The following CDH13 variants were observed in gnomAD, a reference collection of about 807,000 sequenced individuals.
CDH13 encodes the protein cadherin-13.
Under a neutral mutation model 63.8 loss-of-function variants are expected in CDH13, and 24 were observed. That is an observed-to-expected ratio of 0.38 (90% CI 0.27 to 0.53). The LOEUF is 0.53. Ranked by LOEUF, CDH13 falls within the 20% of genes least tolerant of loss-of-function variation. CDH13 has a pLI of 0.85. For missense variants in CDH13, 1,049 were observed against 903.1 expected, an observed-to-expected ratio of 1.16 and a Z score of -2.07; for synonymous variants, 503 against 355.3, an observed-to-expected ratio of 1.42 and a Z score of -4.67.
At chr16:82,914,811 G>A (rs897421036) in intron 2 of CDH13, among the ~76,000 whole-genome samples, 2 of 152,128 alleles carry the variant, frequency 1.3e-5, no homozygotes, top group Non-Finnish European at 1.5e-5. Context: ...CTACAAAATC[G>A]TTTCTGCAGT....
intron 4 of CDH13, among the ~76,000 whole-genome samples, chr16:83,134,652 A>G (rs1052712524): frequency 6.6e-6 from 1 of 151,762 alleles, no homozygotes; most frequent in Non-Finnish European, 1.5e-5. Flanking sequence ...TTTAATTCCA[A>G]TTAAATGAAA....
At chr16:83,124,163 A>G (rs2035711697) in intron 3 of CDH13, among the ~76,000 whole-genome samples, 1 of 152,088 alleles carries the variant, frequency 6.6e-6, no homozygotes, top group Non-Finnish European at 1.5e-5. Flanking sequence ...CTCCTGCCTC[A>G]GCCTCCCTAG....
intron 1 of CDH13, among the ~76,000 whole-genome samples, chr16:82,652,893 C>A (rs1236916840): frequency 6.6e-6 from 1 of 152,146 alleles, no homozygotes; most frequent in Non-Finnish European, 1.5e-5. Context: ...AAAACTGTTG[C>A]TCAAACTGAC....
chr16:83,253,869 T>C (rs1905891217), intron 5 of CDH13, among the ~76,000 whole-genome samples: 1 of 152,214 alleles, frequency 6.6e-6, no homozygotes, highest in South Asian at 2.1e-4. Context: ...CATTCAGTAC[T>C]TTCTAGGTAT....
At chr16:83,533,631 T>C (rs933822086) in intron 7 of CDH13, among the ~76,000 whole-genome samples, 22 of 148,204 alleles carry the variant, frequency 1.5e-4, no homozygotes, top group Middle Eastern at 3.4e-3. Flanking sequence ...TTTTTTTTTT[T>C]TTTTTTTGAG....
At chr16:82,965,328 G>A (rs1446129122) in intron 2 of CDH13, among the ~76,000 whole-genome samples, 2 of 152,226 alleles carry the variant, frequency 1.3e-5, no homozygotes, top group Non-Finnish European at 2.9e-5. Flanking sequence ...TGAACAAGGA[G>A]CCCCTATGGA....
At chr16:82,681,324 C>A (rs116718929) in intron 1 of CDH13, among the ~76,000 whole-genome samples, 1 of 152,084 alleles carries the variant, frequency 6.6e-6, no homozygotes, top group Non-Finnish European at 1.5e-5. Context: ...ACAGTAGATT[C>A]GTGATTGCCA....
chr16:82,778,061 C>T (rs561112118), intron 1 of CDH13, among the ~76,000 whole-genome samples: 1 of 152,256 alleles, frequency 6.6e-6, no homozygotes, highest in Admixed American at 6.5e-5. Flanking sequence ...TCCACCCCAC[C>T]CTCAGTGGAG....
chr16:82,710,265 A>C (rs1457698909), intron 1 of CDH13, among the ~76,000 whole-genome samples: 5 of 146,336 alleles, frequency 3.4e-5, no homozygotes, highest in Non-Finnish European at 7.5e-5. Context: ...AAAATATAAA[A>C]TATATTTTAT....
intron 7 of CDH13, among the ~76,000 whole-genome samples, chr16:83,546,895 G>T (rs1453565271): frequency 6.6e-6 from 1 of 152,166 alleles, no homozygotes; most frequent in Non-Finnish European, 1.5e-5. Context: ...GCACACAGTA[G>T]GTACTCTGAA....
chr16:82,659,836 C>T (rs927227655), intron 1 of CDH13, among the ~76,000 whole-genome samples: 1 of 152,116 alleles, frequency 6.6e-6, no homozygotes, highest in Non-Finnish European at 1.5e-5. Flanking sequence ...GCAGGATGTC[C>T]AGAAGCATCC....
At chr16:83,685,442 A>G (rs1904297395) in intron 10 of CDH13, among the ~76,000 whole-genome samples, 1 of 152,198 alleles carries the variant, frequency 6.6e-6, no homozygotes, top group Non-Finnish European at 1.5e-5. Context: ...GCTAAAGACT[A>G]GTGCTAGAGA....
intron 4 of CDH13, among the ~76,000 whole-genome samples, chr16:83,135,178 G>A (rs2036227145): frequency 6.6e-6 from 1 of 152,114 alleles, no homozygotes; most frequent in Admixed American, 6.6e-5. Context: ...GCCCTATAAA[G>A]TAGGCAATCC....
Position 83,036,008 on chromosome 16 carries a change from C to T in CDH13, c.366+3790C>T, listed in dbSNP as rs183944191. On this transcript the variant is annotated intron_variant, in intron 3 of 13. Coordinates refer to ENST00000567109, the MANE Select transcript of CDH13 (RefSeq NM_001257.5). Reference sequence around the variant, plus strand: ...AGGGAAGCTGTTACTGTTACTGGTGCTGTTATCATTTGCATCTACTGGGTG... The same window carrying T: ...AGGGAAGCTGTTACTGTTACTGGTGTTGTTATCATTTGCATCTACTGGGTG... Among the ~76,000 whole-genome samples the T allele has an allele frequency of 1.3e-4, 20 of 152,234 alleles. 1 individual carries two copies. Among genetic ancestry groups the T allele is most frequent in the African/African-American group, 4.1e-4 (17 of 41,566 alleles).
chr16:82,948,800 T>C (rs1434856070), intron 2 of CDH13, among the ~76,000 whole-genome samples: 1 of 152,132 alleles, frequency 6.6e-6, no homozygotes, highest in Non-Finnish European at 1.5e-5. Flanking sequence ...TCTTCCTGGT[T>C]TGAATGTAAC....
intron 3 of CDH13, among the ~76,000 whole-genome samples, chr16:83,051,691 C>T (rs2030353701): frequency 6.6e-6 from 1 of 152,228 alleles, no homozygotes; most frequent in Non-Finnish European, 1.5e-5. Context: ...CTTAAGTAAA[C>T]CTCTGCTTAT....
rs1051872510 is a variant in CDH13, at chr16:83,342,027, A to G, written c.637-2835A>G. On this transcript the variant is annotated intron_variant, in intron 5 of 13. Transcript: ENST00000567109. ...CACACACACACACACACACACACAC[A>G]CACACTTTGTCAATCATACTCTACC... is the stretch of plus-strand genomic sequence containing the variant. Among the ~76,000 whole-genome samples, 10 of 150,690 alleles carry G rather than the reference A, an allele frequency of 6.6e-5. No homozygotes were observed. In the East Asian group the frequency reaches 1.6e-3, roughly 24 times the overall value.
chr16:83,511,819 C>G (rs1246805604), intron 7 of CDH13, among the ~76,000 whole-genome samples: 1 of 152,054 alleles, frequency 6.6e-6, no homozygotes, highest in Non-Finnish European at 1.5e-5. Context: ...AGAAATAAGC[C>G]CGACACCCAT....
intron 1 of CDH13, among the ~76,000 whole-genome samples, chr16:82,747,228 C>T (rs8061413): frequency 0.015 from 2,307 of 152,258 alleles, 58 homozygotes; most frequent in African/African-American, 0.053. Context: ...GTAGAATCAG[C>T]ATACCTGGGA....
Sources: allele counts gnomAD v4.1 joint callset (sites outside exome capture counted in the v4.1 genomes callset), GRCh38; gene constraint gnomAD v4.1.1; transcripts MANE v1.5; gene names NCBI Gene and HGNC (gene_info 2026-07-23, HGNC 2026-07-21).